RABEP1: variants seen among roughly 807,000 people sequenced by gnomAD.
RABEP1 encodes the protein rab GTPase-binding effector protein 1.
RABEP1 carries 51 observed loss-of-function variants against 123.4 expected under a neutral mutation model. The ratio of observed to expected loss-of-function variants is 0.41; its 90% CI spans 0.33 to 0.52. RABEP1 has a LOEUF of 0.52. Ranked by LOEUF, RABEP1 falls within the 20% of genes least tolerant of loss-of-function variation. The pLI, the probability that RABEP1 is intolerant of heterozygous loss-of-function variation, is 0.16. For missense variants in RABEP1, 888 were observed against 996.3 expected (o/e 0.89, Z 1.46); for synonymous variants, 347 against 355.2 (o/e 0.98, Z 0.26).
chr17:5,289,864 C>T (rs1468834758), intron 1 of RABEP1, among the ~76,000 whole-genome samples: 1 of 152,184 alleles, frequency 6.6e-6, no homozygotes, highest in South Asian at 2.1e-4. Context: ...CTGCACTTAT[C>T]CACTGTCTTT....
chr17:5,291,952 A>G (rs1308165177), intron 1 of RABEP1, among the ~76,000 whole-genome samples: 6 of 152,188 alleles, frequency 3.9e-5, no homozygotes, highest in Non-Finnish European at 8.8e-5. Context: ...TCATTTTCCT[A>G]TTACTGCCAG....
At chr17:5,300,516 G>A (rs761132071) in intron 1 of RABEP1, among the ~76,000 whole-genome samples, 3 of 152,038 alleles carry the variant, frequency 2.0e-5, no homozygotes, top group Non-Finnish European at 2.9e-5. Context: ...TCTTTCTTGG[G>A]GTGCAAGCGG....
chr17:5,348,226 G>A (rs1597375246), intron 6 of RABEP1, among the ~76,000 whole-genome samples: 1 of 152,202 alleles, frequency 6.6e-6, no homozygotes, highest in South Asian at 2.1e-4. Flanking sequence ...TGATCCATCC[G>A]CCTCAGCCTC....
intron 8 of RABEP1, 94 bp from the exon 9 acceptor site, chr17:5,361,114 T>C (rs528517141): frequency 2.9e-6 from 3 of 1,050,572 alleles, no homozygotes; most frequent in East Asian, 2.4e-5. Context: ...ATGATTATCA[T>C]GTGTAATGAG....
intron 11 of RABEP1, among the ~76,000 whole-genome samples, chr17:5,367,594 A>G (rs990473045): frequency 6.6e-6 from 1 of 151,020 alleles, no homozygotes; most frequent in Non-Finnish European, 1.5e-5. Context: ...TTTTAAAAAA[A>G]GTATGGATAG....
chr17:5,299,405 T>A (rs1443880211), intron 1 of RABEP1, among the ~76,000 whole-genome samples: 1 of 151,738 alleles, frequency 6.6e-6, no homozygotes, highest in East Asian at 1.9e-4. Context: ...TAAGCAGTTT[T>A]ACTTAAATCA....
chr17:5,383,266 C>T lies in RABEP1; in HGVS notation c.*43C>T, dbSNP rs1911649664. On this transcript the variant is annotated 3_prime_UTR_variant, in exon 18 of 18. Coordinates refer to ENST00000537505, the MANE Select transcript of RABEP1 (RefSeq NM_004703.6). ...TCTAGCCTGCACTTTGGGTTTTTAA[C>T]TCATCTTTAGAGCAACAGTAATTAT... 6.8e-7 allele frequency: 1 copy of T among 1,479,218 alleles called. No homozygotes were observed. The highest frequency in any genetic ancestry group is 1.7e-5 in the Admixed American group (1 of 59,540). 91.6% of individuals were successfully genotyped at this position (1,479,218 alleles called of 1,614,324 possible).
chr17:5,375,018 T>C (rs1169742068), intron 13 of RABEP1, among the ~76,000 whole-genome samples: 1 of 151,854 alleles, frequency 6.6e-6, no homozygotes, highest in African/African-American at 2.4e-5. Flanking sequence ...CTCAGGTGAT[T>C]AGCCTGCTTC....
chr17:5,292,318 A>G (rs779997290), intron 1 of RABEP1, among the ~76,000 whole-genome samples: 2 of 152,056 alleles, frequency 1.3e-5, no homozygotes, highest in Non-Finnish European at 2.9e-5. Context: ...TTTAAAAAAT[A>G]TATATATTGG....
At position 5,282,427 on chromosome 17, in the gene RABEP1, C is replaced by A; in HGVS notation, c.-60C>A. On this transcript the variant is annotated 5_prime_UTR_variant, in exon 1 of 18. Coordinates refer to ENST00000537505, the MANE Select transcript of RABEP1 (RefSeq NM_004703.6). ...ACGCCTCCTCCGCCAGCTGAGCCCG[C>A]GGGAGCCCAGGACGCCGCTTCCCCG... 7.9e-7 allele frequency: 1 copy of A among 1,270,740 alleles called. No homozygotes were observed. Among genetic ancestry groups the A allele is most frequent in the African/African-American group, 1.5e-5 (1 of 64,558 alleles). 78.7% of individuals were successfully genotyped at this position (1,270,740 alleles called of 1,614,324 possible).
At chr17:5,368,279 A>G in intron 11 of RABEP1, 91 bp from the exon 12 acceptor site, 3 of 894,732 alleles carry the variant, frequency 3.4e-6, no homozygotes, top group Non-Finnish European at 5.3e-6. Context: ...TAAAATGTCA[A>G]TTCCAGACAC....
intron 1 of RABEP1, among the ~76,000 whole-genome samples, chr17:5,289,884 A>G (rs2075016679): frequency 6.6e-6 from 1 of 152,314 alleles, no homozygotes; most frequent in South Asian, 2.1e-4. Flanking sequence ...TGTCACTCTG[A>G]TATCCCAACA....
At chr17:5,338,271 G>A in intron 5 of RABEP1, 133 bp downstream of exon 5, 1 of 1,184,732 alleles carries the variant, frequency 8.4e-7, no homozygotes, top group Non-Finnish European at 1.1e-6. Context: ...TCTTTAAAAT[G>A]CAAAAAACTG....
At chr17:5,368,329 C>A in intron 11 of RABEP1, 41 bp from the exon 12 acceptor site, 6 of 1,358,370 alleles carry the variant, frequency 4.4e-6, no homozygotes, top group South Asian at 1.2e-5. Context: ...TCAGAATAAC[C>A]GATTTCCTAA....
intron 5 of RABEP1, among the ~76,000 whole-genome samples, chr17:5,345,503 C>G (rs982382403): frequency 6.6e-6 from 1 of 152,076 alleles, no homozygotes; most frequent in Non-Finnish European, 1.5e-5. Flanking sequence ...TTAATTAAAC[C>G]AAATGTTTAT....
At chr17:5,294,837 A>G (rs56241801) in intron 1 of RABEP1, among the ~76,000 whole-genome samples, 2 of 150,684 alleles carry the variant, frequency 1.3e-5, no homozygotes, top group Non-Finnish European at 3.0e-5. Flanking sequence ...TAGTAGAGAC[A>G]GGGTTTCATC....
At chr17:5,315,588 C>T (rs553575173) in intron 2 of RABEP1, among the ~76,000 whole-genome samples, 6 of 152,336 alleles carry the variant, frequency 3.9e-5, no homozygotes, top group Admixed American at 6.5e-5. Context: ...TGGTGGCTCA[C>T]GCCTGTAATC....
chr17:5,359,167 G>A (rs1452710213), intron 8 of RABEP1, among the ~76,000 whole-genome samples: 3 of 150,726 alleles, frequency 2.0e-5, no homozygotes, highest in Admixed American at 1.3e-4. Flanking sequence ...TCCGCCTCCC[G>A]GGTTCACGCC....
chr17:5,377,943 G>A (rs1231640320), intron 14 of RABEP1, among the ~76,000 whole-genome samples: 3 of 152,170 alleles, frequency 2.0e-5, no homozygotes, highest in African/African-American at 7.2e-5. Context: ...TTTCCCTGCA[G>A]AGATGTGATA....
Sources: allele counts gnomAD v4.1 joint callset (sites outside exome capture counted in the v4.1 genomes callset), GRCh38; gene constraint gnomAD v4.1.1; transcripts MANE v1.5; gene names NCBI Gene and HGNC (gene_info 2026-07-23, HGNC 2026-07-21).